NINL: variants seen among roughly 807,000 people sequenced by gnomAD.
NINL encodes the protein ninein like, also known as ninein-like protein.
A neutral mutation model predicts 160.3 loss-of-function variants in NINL; 153 were observed. The observed-to-expected ratio is 0.95, with a 90% confidence interval of 0.84 to 1.09. The LOEUF is 1.09. Among genes scored for constraint, NINL ranks in the 50% least tolerant of loss-of-function variants. The pLI, the probability that NINL is intolerant of heterozygous loss-of-function variation, is 0.00. For synonymous variants in NINL, 800 were observed against 734.8 expected (o/e 1.09, Z -1.43); for missense variants, 1,829 against 1,764.0 (o/e 1.04, Z -0.66).
intron 3 of NINL, among the ~76,000 whole-genome samples, chr20:25,515,238 G>A (rs927099767): frequency 6.6e-6 from 1 of 152,228 alleles, no homozygotes. Flanking sequence ...TGTAAGACAT[G>A]GAGTCAAAGG....
chr20:25,561,377 C>T (rs1328237781), intron 1 of NINL, among the ~76,000 whole-genome samples: 1 of 152,088 alleles, frequency 6.6e-6, no homozygotes. Context: ...GGTGTGATCT[C>T]GGCTACAACC....
chr20:25,472,768 A>C (rs2063137689), intron 17 of NINL, among the ~76,000 whole-genome samples: 1 of 152,100 alleles, frequency 6.6e-6, no homozygotes, highest in African/African-American at 2.4e-5. Context: ...GGGCTCCCAG[A>C]GTCCTGGGAT....
At chr20:25,520,929 T>C (rs2064252278) in intron 2 of NINL, among the ~76,000 whole-genome samples, 1 of 152,264 alleles carries the variant, frequency 6.6e-6, no homozygotes, top group Non-Finnish European at 1.5e-5. Context: ...TCTCTGGCTT[T>C]GTTTTCCTTC....
intron 1 of NINL, among the ~76,000 whole-genome samples, chr20:25,583,816 C>T (rs1391749865): frequency 6.6e-6 from 1 of 152,152 alleles, no homozygotes; most frequent in Non-Finnish European, 1.5e-5. Context: ...GAGTTCATGT[C>T]CTTTGCAGGG....
At chr20:25,475,872 G>A (rs1295720468) in intron 17 of NINL, among the ~76,000 whole-genome samples, 171 bp downstream of exon 17, 1 of 152,268 alleles carries the variant, frequency 6.6e-6, no homozygotes, top group South Asian at 2.1e-4. Flanking sequence ...TTCCGGGACG[G>A]GGCTGGGCTC....
chr20:25,473,101 A>G (rs2063144492), intron 17 of NINL, among the ~76,000 whole-genome samples: 1 of 152,230 alleles, frequency 6.6e-6, no homozygotes, highest in South Asian at 2.1e-4. Flanking sequence ...CAAGAAAGTC[A>G]GACACAGAAG....
intron 13 of NINL, among the ~76,000 whole-genome samples, chr20:25,486,538 T>G (rs1003962635): frequency 6.6e-6 from 1 of 152,078 alleles, no homozygotes; most frequent in African/African-American, 2.4e-5. Flanking sequence ...CAGCACACCA[T>G]CTGGACCCCA....
chr20:25,529,357 C>G (rs779938583), intron 1 of NINL, among the ~76,000 whole-genome samples: 25 of 152,148 alleles, frequency 1.6e-4, no homozygotes, highest in Non-Finnish European at 3.5e-4. Flanking sequence ...TAATTAAACA[C>G]CTGTTGATAA....
At chr20:25,526,021 A>T (rs1426911256) in intron 2 of NINL, among the ~76,000 whole-genome samples, 4 of 152,210 alleles carry the variant, frequency 2.6e-5, no homozygotes, top group Admixed American at 2.6e-4. Context: ...TGTGTAAGAC[A>T]ATCTGCCTTC....
Position 25,455,748 on chromosome 20 carries a change from C to T in NINL, c.3882G>A (p.Arg1294=). ...HEKQLKATEE[R]VEEAEMILKN... is the part of the protein sequence containing the mutation. ...TCAGAATCATCTCCGCCTCTTCCAC[C>T]CGCTCTTCTGTGGCTTTCAGCTGTT... The change falls in exon 23 of 24, where the codon CGG becomes CGA. Residue 1294 remains arginine, a synonymous_variant. Coordinates refer to ENST00000278886, the MANE Select transcript of NINL (RefSeq NM_025176.6). The T allele has an allele frequency of 6.2e-7, 1 of 1,614,178 alleles. No individual in the cohort carries two copies. The highest frequency in any genetic ancestry group is 1.7e-5 in the Admixed American group (1 of 60,026).
At chr20:25,561,055 T>C (rs28674894) in intron 1 of NINL, among the ~76,000 whole-genome samples, 1,770 of 60,174 alleles carry the variant, frequency 0.029, 151 homozygotes, top group African/African-American at 0.085. Flanking sequence ...TCTCCCTCTC[T>C]CTCTCTTTCC....
intron 1 of NINL, among the ~76,000 whole-genome samples, chr20:25,538,716 T>G (rs1337867032): frequency 6.6e-6 from 1 of 151,360 alleles, no homozygotes; most frequent in Non-Finnish European, 1.5e-5. Context: ...TCCCCAGAGC[T>G]GGGGAGCACA....
At chr20:25,501,711 G>A (rs2063871049) in intron 7 of NINL, among the ~76,000 whole-genome samples, 1 of 152,162 alleles carries the variant, frequency 6.6e-6, no homozygotes, top group Non-Finnish European at 1.5e-5. Flanking sequence ...TAGCCTCACT[G>A]CAGCCTCCAC....
chr20:25,584,353 G>A (rs2065204909), intron 1 of NINL, among the ~76,000 whole-genome samples: 2 of 152,044 alleles, frequency 1.3e-5, no homozygotes, highest in South Asian at 2.1e-4. Flanking sequence ...CCAGCTACTC[G>A]GGAGGCTGAG....
chr20:25,539,482 G>T (rs1460245354), intron 1 of NINL, among the ~76,000 whole-genome samples: 2 of 152,148 alleles, frequency 1.3e-5, no homozygotes, highest in Non-Finnish European at 2.9e-5. Flanking sequence ...CTACTAAGGG[G>T]GCGATGACTG....
intron 2 of NINL, 37 bp downstream of exon 2, chr20:25,526,371 C>A (rs1317543172): frequency 6.4e-7 from 1 of 1,570,280 alleles, no homozygotes; most frequent in Non-Finnish European, 8.7e-7. Context: ...CTATAGACCC[C>A]GTGCTTTCCT....
In NINL at chr20:25,517,851, T is replaced by C. The variant is rs769329250; in HGVS notation, c.181-2A>G. 1.3e-6 allele frequency: 2 copies of C among 1,592,610 alleles called. No homozygotes were observed. The highest frequency in any genetic ancestry group is 1.1e-5 in the South Asian group (1 of 87,002). On this transcript the variant is annotated splice_acceptor_variant, in intron 2 of 23. Transcript: ENST00000278886. LOFTEE classifies it high-confidence loss of function. ...TTCCTTAAATTCCTCAAAGTTAACC[T>C]GGGTGAATTGAAGGTGAGAGAGGAC...
At chr20:25,497,470 G>A (rs1211941388) in intron 9 of NINL, among the ~76,000 whole-genome samples, 2 of 152,230 alleles carry the variant, frequency 1.3e-5, no homozygotes, top group Non-Finnish European at 2.9e-5. Context: ...GGCCAGAGGC[G>A]GCTCCGCTGT....
chr20:25,456,595 T>A (rs2090687745), intron 22 of NINL, among the ~76,000 whole-genome samples: 1 of 151,776 alleles, frequency 6.6e-6, no homozygotes, highest in African/African-American at 2.4e-5. Context: ...AGGCAATATT[T>A]TACATTTTAA....
Sources: allele counts gnomAD v4.1 joint callset (sites outside exome capture counted in the v4.1 genomes callset), GRCh38; gene constraint gnomAD v4.1.1; transcripts MANE v1.5; gene names NCBI Gene and HGNC (gene_info 2026-07-23, HGNC 2026-07-21).